Variants in PLEKHG1 observed in about 807,000 individuals in gnomAD.
PLEKHG1 encodes the protein pleckstrin homology and RhoGEF domain containing G1, also known as pleckstrin homology domain-containing family G member 1.
A neutral mutation model predicts 100.8 loss-of-function variants in PLEKHG1; 44 were observed. That is an observed-to-expected ratio of 0.44 (90% confidence interval 0.34 to 0.56). PLEKHG1 has a LOEUF of 0.56. PLEKHG1 is among the 20% of genes least tolerant of loss of function. PLEKHG1 has a pLI of 0.01. For synonymous variants in PLEKHG1, 640 were observed against 662.5 expected (o/e 0.97, Z 0.52); for missense variants, 1,545 against 1,720.9 (o/e 0.90, Z 1.81).
rs749773056 is a variant in PLEKHG1, at chr6:150,839,879, CAG to C, written c.3146_3147del (p.Glu1049ValfsTer31). ...CCCAGTTGTATGACCAGATTGTATT[CAG>C]AGAGTCTCCCTTGAAAATTCAGAAG... On this transcript the variant is annotated frameshift_variant, in exon 16 of 16. Transcript: ENST00000358517. LOFTEE classifies it low-confidence loss of function (END_TRUNC). 4.3e-6 allele frequency: 7 copies of C among 1,613,930 alleles called. No homozygotes were observed. The highest frequency in any genetic ancestry group is 4.2e-6 in the Non-Finnish European group (5 of 1,179,822).
rs111639263 is a variant in PLEKHG1 at position 150,621,375 on chromosome 6, A to ATT, written c.-203-16689_-203-16688dup. On this transcript the variant is annotated intron_variant, in intron 1 of 3. Transcript: ENST00000367326. The stretch of plus-strand genomic sequence containing the variant: ...TCAGGGGCTTTTGTGGCACAAATCA[A>ATT]TTTTTTTTTTTTTTTTTGAGATGGA... Among the ~76,000 whole-genome samples the ATT allele has an allele frequency of 1.4e-3, 192 of 141,466 alleles. 3 individuals carry two copies. The South Asian group carries it at 0.027, about 20-fold the overall frequency. 92.8% of individuals were successfully genotyped at this position (141,466 alleles called of 152,430 possible).
intron 4 of PLEKHG1, among the ~76,000 whole-genome samples, chr6:150,790,786 C>CTGA (rs1440988765): frequency 2.3e-4 from 35 of 152,214 alleles, no homozygotes; most frequent in Middle Eastern, 6.8e-3. Context: ...CTTTGGGAGG[C>CTGA]CGAAGGGGGC....
At chr6:150,717,614 C>T (rs535449281), upstream of PLEKHG1, among the ~76,000 whole-genome samples, 724 of 152,308 alleles carry the variant, frequency 4.8e-3, 2 homozygotes, top group Non-Finnish European at 8.8e-3. Context: ...TGCTCTTCTG[C>T]GCCTTGATTC....
exon 1 of PLEKHG1, chr6:150,599,992 G>A (rs1213887028): frequency 8.5e-6 from 2 of 236,686 alleles, no homozygotes; most frequent in African/African-American, 2.4e-5. Flanking sequence ...AGCGCCGCCC[G>A]GGCATGCGAA....
intron 12 of PLEKHG1, 109 bp from the exon 14 acceptor site, chr6:150,821,086 T>C: frequency 2.5e-6 from 2 of 809,100 alleles, no homozygotes; most frequent in Middle Eastern, 2.3e-4. Flanking sequence ...GATACAAAAG[T>C]TATAGAGCTC....
In PLEKHG1 at chr6:150,827,495, C is replaced by T. The variant is rs557742531; in HGVS notation, c.1471-3087C>T. On this transcript the variant is annotated intron_variant, in intron 14 of 15. Coordinates refer to ENST00000358517, the Ensembl canonical transcript of PLEKHG1. ...TTCTTCATGTTGGTCAGGCTGGTCT[C>T]GAACTCCCGACCTCAGGTGATTCGC... Among the ~76,000 whole-genome samples, 34 of 152,068 alleles carry T rather than the reference C, an allele frequency of 2.2e-4. No individual in the cohort carries two copies. In the South Asian group the frequency reaches 5.0e-3, roughly 22 times the overall value.
intron 14 of PLEKHG1, among the ~76,000 whole-genome samples, chr6:150,829,819 G>C (rs1282516514): frequency 6.6e-6 from 1 of 152,028 alleles, no homozygotes; most frequent in Non-Finnish European, 1.5e-5. Flanking sequence ...CCATGTTCGT[G>C]GTGGGTCTGC....
chr6:150,755,247 A>G (rs1783767251), intron 2 of PLEKHG1, among the ~76,000 whole-genome samples: 1 of 151,910 alleles, frequency 6.6e-6, no homozygotes, highest in African/African-American at 2.4e-5. Context: ...AAGTGCTAGG[A>G]CTATAGGCAT....
intron 1 of PLEKHG1, among the ~76,000 whole-genome samples, chr6:150,629,791 T>C (rs897454515): frequency 4.6e-5 from 7 of 152,190 alleles, no homozygotes; most frequent in African/African-American, 1.4e-4. Context: ...CTATACTTCA[T>C]AGATTTTCTA....
chr6:150,735,009 G>A (rs6901829), intron 2 of PLEKHG1, among the ~76,000 whole-genome samples: 33,185 of 124,440 alleles, frequency 0.27, 4,478 homozygotes, highest in African/African-American at 0.4. Context: ...TTTTTGAGAC[G>A]GAGTTTAGCT....
intron 4 of PLEKHG1, among the ~76,000 whole-genome samples, chr6:150,788,259 G>A (rs12663627): frequency 6.6e-6 from 1 of 152,246 alleles, no homozygotes; most frequent in East Asian, 1.9e-4. Flanking sequence ...GCTGGGCTCA[G>A]GCACTGCCTG....
chr6:150,759,718 A>G (rs1352861826), intron 2 of PLEKHG1, among the ~76,000 whole-genome samples: 1 of 152,080 alleles, frequency 6.6e-6, no homozygotes, highest in Non-Finnish European at 1.5e-5. Flanking sequence ...AACAACAATG[A>G]TGATTGCCGG....
Position 150,749,054 on chromosome 6 carries a change from T to C in PLEKHG1, c.411+14962T>C, listed in dbSNP as rs79870030. Among the ~76,000 whole-genome samples, 1,308 of 152,282 alleles carry C rather than the reference T, an allele frequency of 8.6e-3. 29 individuals carry two copies. The East Asian group carries it at 0.098, about 11-fold the overall frequency. ...GCACATGAAGTGATTAGCACCGACC[T>C]GGCATAACATAAACACTCAACAGCT... On this transcript the variant is annotated intron_variant, in intron 2 of 15. Coordinates refer to ENST00000358517, the Ensembl canonical transcript of PLEKHG1.
chr6:150,704,694 C>A (rs1780934463), intron 3 of PLEKHG1, among the ~76,000 whole-genome samples: 1 of 152,274 alleles, frequency 6.6e-6, no homozygotes, highest in Non-Finnish European at 1.5e-5. Flanking sequence ...TGTTGAAAAT[C>A]TTGCTGATGA....
chr6:150,705,505 A>G (rs2128601450), intron 3 of PLEKHG1, among the ~76,000 whole-genome samples: 1 of 152,348 alleles, frequency 6.6e-6, no homozygotes, highest in East Asian at 1.9e-4. Context: ...CTGCCCACGC[A>G]CAGGGCCCCC....
chr6:150,665,587 AC>A (rs1401130358), intron 3 of PLEKHG1, among the ~76,000 whole-genome samples: 1 of 152,018 alleles, frequency 6.6e-6, no homozygotes, highest in African/African-American at 2.4e-5. Context: ...CCAAGATCGT[AC>A]CACTGCACTC....
chr6:150,631,169 C>T lies in PLEKHG1; in HGVS notation c.-203-6911C>T, dbSNP rs139278369. On this transcript the variant is annotated intron_variant, in intron 1 of 3. Transcript: ENST00000367326. ...TGTGGAGCAGAGGTTTCTGCATCTT[C>T]TGTGGCTGTGTCATCTCAAGGCTTC... Among the ~76,000 whole-genome samples the T allele has an allele frequency of 6.8e-3, 1,034 of 152,320 alleles. 12 individuals carry two copies. The highest frequency in any genetic ancestry group is 0.024 in the African/African-American group (990 of 41,570).
chr6:150,795,395 CAAAA>C (rs34535873), intron 4 of PLEKHG1, among the ~76,000 whole-genome samples: 4 of 143,446 alleles, frequency 2.8e-5, no homozygotes, highest in African/African-American at 7.7e-5. Context: ...GATTCCATCT[CAAAA>C]AAAAAAAAAG....
At chr6:150,722,325 C>CCTTTTTTCTTTTT (rs1562461302) in intron 1 of PLEKHG1, among the ~76,000 whole-genome samples, 15 of 144,606 alleles carry the variant, frequency 1.0e-4, no homozygotes, top group African/African-American at 2.9e-4. Context: ...TTCTCTGCCT[C>CCTTTTTTCTTTTT]CTTTTCTTTT....
Sources: allele counts gnomAD v4.1 joint callset (sites outside exome capture counted in the v4.1 genomes callset), GRCh38; gene constraint gnomAD v4.1.1; transcripts MANE v1.5; gene names NCBI Gene and HGNC (gene_info 2026-07-23, HGNC 2026-07-21).